Variants in TMEM245 observed in about 807,000 individuals in gnomAD.
The protein encoded by TMEM245 is transmembrane protein 245, also known as protein CG-2.
TMEM245 carries 69 observed loss-of-function variants against 101.2 expected under a neutral mutation model. That is an observed-to-expected ratio of 0.68 (90% CI 0.56 to 0.83). The LOEUF (loss-of-function observed/expected upper bound fraction) is 0.83. Ranked by LOEUF, TMEM245 falls within the 40% of genes least tolerant of loss-of-function variation. The pLI is 0.00. For synonymous variants in TMEM245, 537 were observed against 449.8 expected (o/e 1.19, Z -2.45); for missense variants, 1,075 against 1,092.8 (o/e 0.98, Z 0.23).
chr9:109,047,221 ATGGTTTT>A (rs1828525462), intron 14 of TMEM245, among the ~76,000 whole-genome samples: 1 of 152,184 alleles, frequency 6.6e-6, no homozygotes, highest in African/African-American at 2.4e-5. Flanking sequence ...AATAAAACAA[ATGGTTTT>A]TAAATGCCAG....
chr9:109,116,811 G>C (rs1036207071), intron 1 of TMEM245, among the ~76,000 whole-genome samples: 1 of 151,620 alleles, frequency 6.6e-6, no homozygotes, highest in Non-Finnish European at 1.5e-5. Context: ...TACAGGCGTG[G>C]GCAACCCCAC....
chr9:109,058,321 T>C (rs1828908472), intron 11 of TMEM245, among the ~76,000 whole-genome samples: 1 of 151,850 alleles, frequency 6.6e-6, no homozygotes, highest in Non-Finnish European at 1.5e-5. Flanking sequence ...TTCTTTTTAA[T>C]TTACCATACA....
At chr9:109,026,633 G>A (rs1404518993) in intron 17 of TMEM245, among the ~76,000 whole-genome samples, 6 of 150,730 alleles carry the variant, frequency 4.0e-5, no homozygotes, top group South Asian at 2.1e-4. Context: ...GGTGGAAAGC[G>A]GGTGGGACTG....
chr9:109,063,340 G>A (rs1335792165), intron 10 of TMEM245, among the ~76,000 whole-genome samples: 1 of 152,074 alleles, frequency 6.6e-6, no homozygotes, highest in Non-Finnish European at 1.5e-5. Context: ...GGCTGGTCTC[G>A]AACTCTTGAC....
At chr9:109,083,925 A>AAAAAAAAAAAAAAAAAAAC (rs1554725114) in intron 7 of TMEM245, among the ~76,000 whole-genome samples, 4 of 140,772 alleles carry the variant, frequency 2.8e-5, no homozygotes, top group East Asian at 2.3e-4. Flanking sequence ...AAAAAAAAAA[A>AAAAAAAAAAAAAAAAAAAC]AAAACACCAG....
chr9:109,097,772 T>A (rs1830179419), intron 3 of TMEM245, among the ~76,000 whole-genome samples: 1 of 151,926 alleles, frequency 6.6e-6, no homozygotes, highest in Non-Finnish European at 1.5e-5. Flanking sequence ...TACAAAAAAA[T>A]TAGCCAGGTA....
Position 109,106,605 on chromosome 9 carries a change from G to A in TMEM245, c.702C>T (p.Ser234=), listed in dbSNP as rs2271878. ...CTGGAATTCTCCATGAGCCAGCCAG[G>A]GATGCTGCAAATTATTAAGAATTAA... ...VWIILLFHLA[S]LAGSWRIPVF... Residue 234 remains serine (S), a synonymous_variant, in exon 3 of 18, where the codon TCC becomes TCT. Transcript: ENST00000374586. 0.27 allele frequency: 432,772 copies of A among 1,603,350 alleles called. 61,403 individuals are homozygous for A. The highest frequency in any genetic ancestry group is 0.3 in the Admixed American group (17,749 of 59,280).
intron 3 of TMEM245, among the ~76,000 whole-genome samples, chr9:109,105,601 C>T (rs1298248370): frequency 6.6e-6 from 1 of 152,164 alleles, no homozygotes; most frequent in Non-Finnish European, 1.5e-5. Flanking sequence ...ACCCAAATAT[C>T]CATCAACTGA....
chr9:109,119,497 G>C lies in TMEM245; in HGVS notation c.417C>G (p.Gly139=). 5 of 1,499,948 alleles carry C rather than the reference G, an allele frequency of 3.3e-6. No individual in the cohort carries two copies. Among genetic ancestry groups the C allele is most frequent in the South Asian group, 1.3e-5 (1 of 79,716 alleles). 92.9% of individuals were successfully genotyped at this position (1,499,948 alleles called of 1,614,324 possible). A position where few individuals can be genotyped will look rare whatever the true frequency, so the allele number is the denominator to read the frequency against. Residue 139 remains glycine (G), a synonymous_variant, in exon 1 of 18, where the codon GGC becomes GGG. Transcript: ENST00000374586. ...GGCGGCGGCGGCGCAGCGCCTGCTCGCCCAGGGCCTCGACGCCGTAGTCGA... is the reference window on the plus strand; with the variant it reads ...GGCGGCGGCGGCGCAGCGCCTGCTCCCCCAGGGCCTCGACGCCGTAGTCGA... The part of the protein sequence containing the change: ...CFVDYGVEAL[G]EQALRRRRLL...
chr9:109,043,567 T>G (rs1016223102), intron 14 of TMEM245, among the ~76,000 whole-genome samples: 2 of 151,768 alleles, frequency 1.3e-5, no homozygotes, highest in Non-Finnish European at 2.9e-5. Flanking sequence ...TGTTCTTTAA[T>G]TTTAGTCCAA....
intron 9 of TMEM245, among the ~76,000 whole-genome samples, chr9:109,068,301 C>T (rs10979675): frequency 0.054 from 8,151 of 149,622 alleles, 348 homozygotes; most frequent in Admixed American, 0.12. Context: ...ACCTGGGAGA[C>T]GGAGCTTGCA....
rs138475894 is a variant in TMEM245 at position 109,080,564 on chromosome 9, C to T, written c.1449+275G>A. Among the ~76,000 whole-genome samples, 3 of 151,872 alleles carry T rather than the reference C, an allele frequency of 2.0e-5. No individual in the cohort carries two copies. In the East Asian group the frequency reaches 5.8e-4, roughly 29 times the overall value. Reference sequence around the variant, plus strand: ...CTCCTATTAAACTAAAAAAAACAAGCGCCACTTGTTCTTCATTATCTCATT... The same window carrying T: ...CTCCTATTAAACTAAAAAAAACAAGTGCCACTTGTTCTTCATTATCTCATT... On this transcript the variant is annotated intron_variant, in intron 8 of 17. Coordinates refer to ENST00000374586, the MANE Select transcript of TMEM245 (RefSeq NM_032012.4).
intron 1 of TMEM245, among the ~76,000 whole-genome samples, chr9:109,116,942 G>A (rs547479671): frequency 6.6e-6 from 1 of 152,182 alleles, no homozygotes; most frequent in East Asian, 1.9e-4. Context: ...TCCATGCCTT[G>A]TTTTTCTTAA....
At chr9:109,046,650 T>C (rs1408098346) in intron 14 of TMEM245, among the ~76,000 whole-genome samples, 2 of 152,338 alleles carry the variant, frequency 1.3e-5, no homozygotes, top group African/African-American at 4.8e-5. Flanking sequence ...TAAATGAATG[T>C]AATGATTTCC....
At chr9:109,111,524 C>A (rs1830566798) in intron 1 of TMEM245, among the ~76,000 whole-genome samples, 1 of 152,126 alleles carries the variant, frequency 6.6e-6, no homozygotes, top group Non-Finnish European at 1.5e-5. Context: ...CATCTATCAA[C>A]CTGAAACTCA....
chr9:109,050,437 C>G lies in TMEM245; in HGVS notation c.1978-9G>C. On this transcript the variant is annotated splice_polypyrimidine_tract_variant and intron_variant, in intron 13 of 17. Transcript: ENST00000374586. ...GTGGTCAGGAAAATTATCTGCAAAA[C>G]AAAGGACAACATCTCCTAAAAAAAT... 6.2e-7 allele frequency: 1 copy of G among 1,613,662 alleles called. No homozygotes were observed. The highest frequency in any genetic ancestry group is 1.1e-5 in the South Asian group (1 of 91,042).
At chr9:109,048,457 T>C (rs915035638) in intron 14 of TMEM245, among the ~76,000 whole-genome samples, 1 of 151,770 alleles carries the variant, frequency 6.6e-6, no homozygotes. Flanking sequence ...TCAAGATTTC[T>C]GTGGAAGACT....
At chr9:109,103,962 G>A (rs1350066397) in intron 3 of TMEM245, among the ~76,000 whole-genome samples, 1 of 151,954 alleles carries the variant, frequency 6.6e-6, no homozygotes, top group East Asian at 1.9e-4. Context: ...GCGGGTGCCT[G>A]GAATCCCAGC....
At chr9:109,069,983 C>A (rs528993142) in intron 9 of TMEM245, among the ~76,000 whole-genome samples, 1 of 152,352 alleles carries the variant, frequency 6.6e-6, no homozygotes, top group East Asian at 1.9e-4. Context: ...CTGACCACTA[C>A]TACTGTCTCA....
Sources: gnomAD v4.1 joint callset for allele counts (sites outside exome capture counted in the v4.1 genomes callset) on GRCh38, gnomAD v4.1.1 for gene constraint, MANE v1.5 for transcripts, NCBI Gene and HGNC (gene_info 2026-07-23, HGNC 2026-07-21) for gene names.